The following GSE1 variants were observed in gnomAD, a reference collection of about 807,000 sequenced individuals.
The protein encoded by GSE1 is genetic suppressor element 1.
In GSE1, 32 loss-of-function variants were observed where a neutral mutation model predicts 112.6. The ratio of observed to expected loss-of-function variants is 0.28; its 90% CI spans 0.21 to 0.38. The LOEUF (loss-of-function observed/expected upper bound fraction) is 0.38. Among genes scored for constraint, GSE1 ranks in the 10% least tolerant of loss-of-function variants. GSE1 has a pLI of 1.00. For missense variants in GSE1, 2,348 were observed against 1,699.2 expected, an observed-to-expected ratio of 1.38 and a Z score of -6.71; for synonymous variants, 1,115 against 735.6, an observed-to-expected ratio of 1.52 and a Z score of -8.35.
intron 2 of GSE1, among the ~76,000 whole-genome samples, chr16:85,383,043 G>A (rs939401198): frequency 2.0e-5 from 3 of 149,796 alleles, no homozygotes; most frequent in Non-Finnish European, 3.0e-5. Flanking sequence ...CACACACACC[G>A]TGTACATGCA....
At chr16:85,552,656 C>G (rs1350319616), upstream of GSE1, among the ~76,000 whole-genome samples, 1 of 152,218 alleles carries the variant, frequency 6.6e-6, no homozygotes, top group Non-Finnish European at 1.5e-5. Context: ...ATGGCTGTCT[C>G]CAAGTGATCT....
At chr16:85,550,511 G>A (rs950347937) in intron 2 of GSE1, among the ~76,000 whole-genome samples, 1 of 152,072 alleles carries the variant, frequency 6.6e-6, no homozygotes, top group Non-Finnish European at 1.5e-5. Context: ...GGCATTCCAG[G>A]TTAGCCACGC....
intron 1 of GSE1, among the ~76,000 whole-genome samples, chr16:85,338,674 G>T (rs192100914): frequency 1.3e-5 from 2 of 152,210 alleles, no homozygotes; most frequent in East Asian, 3.8e-4. Context: ...CCCGGTAGTA[G>T]TCTAAATACA....
At chr16:85,380,674 A>C (rs2047526830) in intron 2 of GSE1, among the ~76,000 whole-genome samples, 1 of 152,194 alleles carries the variant, frequency 6.6e-6, no homozygotes. Flanking sequence ...CAAGGTTAAC[A>C]AATTGGCTCC....
At chr16:85,636,374 G>GC (rs2049998919) in intron 2 of GSE1, among the ~76,000 whole-genome samples, 1 of 152,204 alleles carries the variant, frequency 6.6e-6, no homozygotes, top group African/African-American at 2.4e-5. Flanking sequence ...AACGCCCTCA[G>GC]CCAGGCCTGG....
At chr16:85,316,504 C>T (rs1291729163) in intron 1 of GSE1, among the ~76,000 whole-genome samples, 3 of 152,274 alleles carry the variant, frequency 2.0e-5, no homozygotes, top group South Asian at 2.1e-4. Context: ...CGGTGAAGAG[C>T]GCTCCAGCAG....
chr16:85,557,772 T>C (rs2045309003), intron 1 of GSE1, among the ~76,000 whole-genome samples: 2 of 144,620 alleles, frequency 1.4e-5, no homozygotes, highest in South Asian at 4.2e-4. Context: ...AGAGTCCAAC[T>C]GACTTAAAAA....
chr16:85,633,637 C>T (rs1242795222), intron 1 of GSE1, among the ~76,000 whole-genome samples: 4 of 152,216 alleles, frequency 2.6e-5, no homozygotes, highest in South Asian at 2.1e-4. Context: ...GCCTGGACTG[C>T]CCTGGAGAGG....
chr16:85,640,706 C>T (rs998540643), intron 2 of GSE1, among the ~76,000 whole-genome samples: 8 of 152,356 alleles, frequency 5.3e-5, no homozygotes, highest in African/African-American at 1.7e-4. Context: ...CCCTTTCTGC[C>T]GCTGCCTCGG....
chr16:85,668,204 T>A lies in GSE1; in HGVS notation c.3195T>A (p.Ile1065=). Residue 1065 remains isoleucine (I), a synonymous_variant, in exon 14 of 16, where the codon ATT becomes ATA. Coordinates refer to ENST00000253458, the MANE Select transcript of GSE1 (RefSeq NM_014615.5). ...HKVDTSVHYN[I]PELQSSSRAP... ...TTGACACGTCCGTCCACTACAACATTCCTGAGCTGCAGTCCTCCAGCCGCG... is the reference window on the plus strand; with the variant it reads ...TTGACACGTCCGTCCACTACAACATACCTGAGCTGCAGTCCTCCAGCCGCG... The A allele has an allele frequency of 6.2e-7, 1 of 1,610,652 alleles. No homozygotes were observed. Among genetic ancestry groups the A allele is most frequent in the Non-Finnish European group, 8.5e-7 (1 of 1,177,150 alleles).
chr16:85,227,911 G>A (rs1378492785), intron 1 of GSE1, among the ~76,000 whole-genome samples: 4 of 152,224 alleles, frequency 2.6e-5, no homozygotes, highest in Admixed American at 6.5e-5. Context: ...CTTGAGTCAA[G>A]AGCATCAAAC....
Position 85,333,899 on chromosome 16 carries a change from G to A in GSE1, c.2284-23564G>A, listed in dbSNP as rs192083972. On this transcript the variant is annotated intron_variant, in intron 1 of 2. Coordinates refer to the GSE1 transcript ENST00000637419. ...GTGCTCAAGCTTCCTCTGCCTGGAC[G>A]CTGTTGACATTGGGGATGTCCCGTG... is the stretch of plus-strand genomic sequence containing the variant. 2.8e-3 allele frequency among the ~76,000 whole-genome samples: 421 copies of A among 152,318 alleles called. 4 individuals carry two copies. Among genetic ancestry groups the A allele is most frequent in the Non-Finnish European group, 2.7e-3 (185 of 68,022 alleles).
chr16:85,636,685 TC>T (rs1008198834), intron 2 of GSE1, among the ~76,000 whole-genome samples: 23 of 60,920 alleles, frequency 3.8e-4, no homozygotes, highest in African/African-American at 7.7e-4. Flanking sequence ...TGCTGGGCCT[TC>T]CCGGGGGGGG....
intron 1 of GSE1, among the ~76,000 whole-genome samples, chr16:85,614,063 C>A (rs1426663901): frequency 6.6e-6 from 1 of 151,110 alleles, no homozygotes; most frequent in Non-Finnish European, 1.5e-5. Context: ...CCCCCCACCC[C>A]CGGCGGAGCG....
intron 1 of GSE1, among the ~76,000 whole-genome samples, chr16:85,337,527 G>C (rs149426800): frequency 0.096 from 12,855 of 133,264 alleles, 593 homozygotes; most frequent in East Asian, 0.16. Context: ...GGATGGTCTC[G>C]ATCTCCTGAC....
chr16:85,615,434 G>C (rs2048314482), intron 1 of GSE1, among the ~76,000 whole-genome samples: 1 of 152,236 alleles, frequency 6.6e-6, no homozygotes, highest in South Asian at 2.1e-4. Context: ...GATGGCTTTT[G>C]TCACTCTGGC....
At chr16:85,663,192 A>C in intron 10 of GSE1, 99 bp downstream of exon 10, 1 of 1,256,528 alleles carries the variant, frequency 8.0e-7, no homozygotes, top group Non-Finnish European at 1.1e-6. Flanking sequence ...GTTCCTCCGA[A>C]GTCCTGGCGG....
At chr16:85,343,985 C>A (rs12716759) in intron 1 of GSE1, among the ~76,000 whole-genome samples, 1 of 151,978 alleles carries the variant, frequency 6.6e-6, no homozygotes, top group African/African-American at 2.4e-5. Flanking sequence ...GGCCATTCCC[C>A]GCGCCTGAAA....
chr16:85,287,472 C>T (rs969987122), intron 1 of GSE1, among the ~76,000 whole-genome samples: 5 of 152,160 alleles, frequency 3.3e-5, no homozygotes, highest in Admixed American at 6.5e-5. Context: ...ATCTCCTCCA[C>T]GCACCCGCTC....
Sources: gnomAD v4.1 joint callset for allele counts (sites outside exome capture counted in the v4.1 genomes callset) on GRCh38, gnomAD v4.1.1 for gene constraint, MANE v1.5 for transcripts, NCBI Gene and HGNC (gene_info 2026-07-23, HGNC 2026-07-21) for gene names.